MRPS15: variants seen among roughly 807,000 people sequenced by gnomAD.
MRPS15 encodes mitochondrial ribosomal protein S15.
Under a neutral mutation model 30.7 loss-of-function variants are expected in MRPS15, and 25 were observed. That is an observed-to-expected ratio of 0.81 (90% CI 0.59 to 1.14). The LOEUF (loss-of-function observed/expected upper bound fraction) is 1.14, where lower values mean the gene tolerates loss of function less well. Among genes scored for constraint, MRPS15 ranks in the 50% most tolerant of loss-of-function variants. The pLI, the probability that MRPS15 is intolerant of heterozygous loss-of-function variation, is 0.00. For synonymous variants in MRPS15, 124 were observed against 120.1 expected (o/e 1.03, Z -0.21); for missense variants, 313 against 321.7 (o/e 0.97, Z 0.21).
chr1:36,457,285 A>G (rs1650008901), intron 6 of MRPS15, among the ~76,000 whole-genome samples: 1 of 150,632 alleles, frequency 6.6e-6, no homozygotes. Flanking sequence ...CAAAAAAAAA[A>G]AAAAAATATA....
rs558887291 is a variant in MRPS15 at position 36,458,065 on chromosome 1, G to A, written c.386-84C>T. 2 of 1,156,586 alleles carry A rather than the reference G, an allele frequency of 1.7e-6. No homozygotes were observed. The highest frequency in any genetic ancestry group is 2.6e-6 in the Non-Finnish European group (2 of 762,764). The allele number at this position is 1,156,586 out of a possible 1,614,324, so 71.6% of individuals were successfully genotyped here. ...CTGGTTTACGTTTTAAGAACTCAAG[G>A]AATAACAATCACCAATGCTCTGTAC... On this transcript the variant is annotated intron_variant, in intron 5 of 7. Transcript: ENST00000373116. This position sits in a 1 kb window ranked among gnomAD's most constrained non-coding sequence, Gnocchi z 4.5.
In MRPS15 at chr1:36,457,940, A is replaced by T. The variant is rs750348540; in HGVS notation, c.427T>A (p.Leu143Met). Residue 143 changes from leucine (L) to methionine (M), a missense_variant, in exon 6 of 8, where the codon TTG becomes ATG. Physicochemically the swap from Leu to Met is conservative, Grantham distance 15. Transcript: ENST00000373116. ...GAGTTTACCTTTCGATGTTTCTCCA[A>T]GTGTTCTTCATAACTGCGGATCTTG... ...SVKIRSYEEH[L>M]EKHRKDKAHK... 6.2e-7 allele frequency: 1 copy of T among 1,614,188 alleles called. No individual in the cohort carries two copies. The highest frequency in any genetic ancestry group is 1.7e-5 in the Admixed American group (1 of 60,026).
At chr1:36,457,545 A>C (rs1407948447) in intron 6 of MRPS15, among the ~76,000 whole-genome samples, 1 of 152,196 alleles carries the variant, frequency 6.6e-6, no homozygotes, top group Non-Finnish European at 1.5e-5. Flanking sequence ...CCTGTGAGCA[A>C]GTATTTGTAT....
chr1:36,461,533 C>A (rs1007368085), intron 3 of MRPS15, among the ~76,000 whole-genome samples: 2 of 152,140 alleles, frequency 1.3e-5, no homozygotes, highest in African/African-American at 4.8e-5. Flanking sequence ...CTCGACTGTT[C>A]CGGTCTCATC....
rs1372289507 is a variant in MRPS15 at position 36,464,144 on chromosome 1, A to T, written c.130+2T>A. On this transcript the variant is annotated splice_donor_variant, in intron 1 of 7. Transcript: ENST00000373116. LOFTEE classifies it high-confidence loss of function. Reference sequence around the variant, plus strand: ...CCGCCGTCCCATTTCTCAGCTCCTCACTTCGAGGCTGCAGGCCCCACTGGT... The same window carrying T: ...CCGCCGTCCCATTTCTCAGCTCCTCTCTTCGAGGCTGCAGGCCCCACTGGT... 1 of 1,610,558 alleles carries T rather than the reference A, an allele frequency of 6.2e-7. No individual in the cohort carries two copies. Among genetic ancestry groups the T allele is most frequent in the Admixed American group, 1.7e-5 (1 of 59,348 alleles).
chr1:36,464,296 G>A lies in MRPS15; in HGVS notation c.-21C>T. 1 of 1,596,564 alleles carries A rather than the reference G, an allele frequency of 6.3e-7. No individual in the cohort carries two copies. The highest frequency in any genetic ancestry group is 1.1e-5 in the South Asian group (1 of 89,560). On this transcript the variant is annotated 5_prime_UTR_variant, in exon 1 of 8. Transcript: ENST00000373116. ...AGCATGGTGACCTCTAACCCCCGCG[G>A]GGCCCGCGCCGCGGCCGCCGTTCGC...
intron 3 of MRPS15, 71 bp downstream of exon 3, chr1:36,462,017 C>G: frequency 7.4e-7 from 1 of 1,349,092 alleles, no homozygotes; most frequent in Non-Finnish European, 1.1e-6. Context: ...CTCAAAGCCA[C>G]TGTCTTTCCC....
At position 36,460,829 on chromosome 1, in the gene MRPS15, C is replaced by G. The variant is rs145808919; in HGVS notation, c.301-53G>C. On this transcript the variant is annotated intron_variant, in intron 4 of 7. Transcript: ENST00000373116. Reference sequence around the variant, plus strand: ...TGTGGAGTCTGCCACCCTCTAAGAACTAGCCCTCCTCCCCCCAAGGGCCCT... The same window carrying G: ...TGTGGAGTCTGCCACCCTCTAAGAAGTAGCCCTCCTCCCCCCAAGGGCCCT... The G allele has an allele frequency of 5.6e-5, 82 of 1,466,300 alleles. 1 individual carries two copies. The African/African-American group carries it at 1.0e-3, about 18-fold the overall frequency. The allele number at this position is 1,466,300 out of a possible 1,614,324, so 90.8% of individuals were successfully genotyped here. A position where few individuals can be genotyped will look rare whatever the true frequency, so the allele number is the denominator to read the frequency against.
Position 36,464,314 on chromosome 1 carries a change from C to G in MRPS15, c.-39G>C, listed in dbSNP as rs1650169873. On this transcript the variant is annotated 5_prime_UTR_variant, in exon 1 of 8. Transcript: ENST00000373116. ...CCCCGCGGGGCCCGCGCCGCGGCCGCCGTTCGCTTTGCGGCACGGACCGGG... is the reference window on the plus strand; with the variant it reads ...CCCCGCGGGGCCCGCGCCGCGGCCGGCGTTCGCTTTGCGGCACGGACCGGG... 6.3e-7 allele frequency: 1 copy of G among 1,591,546 alleles called. No homozygotes were observed. The highest frequency in any genetic ancestry group is 1.8e-5 in the Admixed American group (1 of 55,704).
At chr1:36,462,939 T>G (rs2124084650) in intron 2 of MRPS15, among the ~76,000 whole-genome samples, 1 of 152,256 alleles carries the variant, frequency 6.6e-6, no homozygotes, top group Non-Finnish European at 1.5e-5. Context: ...CCCAAAATGT[T>G]GGGGCCATGT....
At chr1:36,461,691 T>G (rs1177234741) in intron 3 of MRPS15, among the ~76,000 whole-genome samples, 1 of 152,196 alleles carries the variant, frequency 6.6e-6, no homozygotes, top group Non-Finnish European at 1.5e-5. Flanking sequence ...CTGGCTTTGG[T>G]GTCAGTCAGC....
rs190851583 is a variant in MRPS15, at chr1:36,456,247, G to C, written c.576C>G (p.Pro192=). Residue 192 remains proline (P), a synonymous_variant, in exon 7 of 8, where the codon CCC becomes CCG. Transcript: ENST00000373116. ...GGTGGGCTCTTCGGTAATACAGAGG[G>C]GGGAAGGTGTACTCAATTCCCAGCC... The part of the protein sequence containing the change: ...CWGLGIEYTF[P]PLYYRRAHRR... The C allele has an allele frequency of 5.0e-5, 81 of 1,614,090 alleles. No individual in the cohort carries two copies. The East Asian group carries it at 1.7e-3, about 35-fold the overall frequency.
chr1:36,457,734 C>T (rs1167073157), intron 6 of MRPS15, among the ~76,000 whole-genome samples, 189 bp downstream of exon 6: 2 of 152,188 alleles, frequency 1.3e-5, no homozygotes, highest in African/African-American at 4.8e-5. Context: ...TGATCATGCT[C>T]TCAAGTTTGT....
intron 6 of MRPS15, among the ~76,000 whole-genome samples, chr1:36,457,285 A>AT (rs1175064507): frequency 6.6e-6 from 1 of 150,632 alleles, no homozygotes; most frequent in Non-Finnish European, 1.5e-5. Flanking sequence ...CAAAAAAAAA[A>AT]AAAAAATATA....
Position 36,456,011 on chromosome 1 carries a change from C to T in MRPS15, c.637-86G>A, listed in dbSNP as rs901495456. The stretch of plus-strand genomic sequence containing the variant: ...ACAAGTGGGATGGGAACTATTTCCC[C>T]CAGATGGTAACCCCAGCCTTTCTCC... On this transcript the variant is annotated intron_variant, in intron 7 of 7. Coordinates refer to ENST00000373116, the MANE Select transcript of MRPS15 (RefSeq NM_031280.4). 16 of 1,543,578 alleles carry T rather than the reference C, an allele frequency of 1.0e-5. No homozygotes were observed. The African/African-American group carries it at 2.1e-4, about 20-fold the overall frequency.
rs1328482562 is a variant in MRPS15 at position 36,457,877 on chromosome 1, C to T, written c.444+46G>A. The T allele has an allele frequency of 5.0e-6, 8 of 1,589,226 alleles. No homozygotes were observed. The South Asian group carries it at 7.7e-5, about 15-fold the overall frequency. On this transcript the variant is annotated intron_variant, in intron 6 of 7. Transcript: ENST00000373116. Reference sequence around the variant, plus strand: ...GAGCCCTTCCCCTCCGGACCCCTTTCCCCCAGGCTGCTGCTGTTTAACTGT... The same window carrying T: ...GAGCCCTTCCCCTCCGGACCCCTTTTCCCCAGGCTGCTGCTGTTTAACTGT...
chr1:36,463,992 GTC>G lies in MRPS15; in HGVS notation c.131-144_131-143del, dbSNP rs923244560. ...CTGCCCCATTTCTTCCCTACCCCTT[GTC>G]TCTCACATCTTGTTTCACCTCTTGC... On this transcript the variant is annotated intron_variant, in intron 1 of 7. Transcript: ENST00000373116. 1.7e-5 allele frequency: 25 copies of G among 1,498,898 alleles called. No homozygotes were observed. In the African/African-American group the frequency reaches 3.2e-4, roughly 19 times the overall value. 92.8% of individuals were successfully genotyped at this position (1,498,898 alleles called of 1,614,324 possible).
At chr1:36,460,347 C>T (rs1474269489) in intron 5 of MRPS15, among the ~76,000 whole-genome samples, 2 of 152,156 alleles carry the variant, frequency 1.3e-5, no homozygotes, top group East Asian at 3.8e-4. Flanking sequence ...CTTTAGTTTC[C>T]AAGGTGTGTT....
rs528867993 is a variant in MRPS15, at chr1:36,458,518, C to A, written c.386-537G>T. On this transcript the variant is annotated intron_variant, in intron 5 of 7. Transcript: ENST00000373116. The surrounding 1 kb of genome is among the most constrained non-coding windows in gnomAD (Gnocchi z 4.5). ...TGGTGGGGTTACAGGTGTGAGCCACCGTGCCTGGCCGCAAATAGCATTCTT... is the reference window on the plus strand; with the variant it reads ...TGGTGGGGTTACAGGTGTGAGCCACAGTGCCTGGCCGCAAATAGCATTCTT... 2.0e-5 allele frequency: 3 copies of A among 153,692 alleles called. No homozygotes were observed. The highest frequency in any genetic ancestry group is 4.4e-5 in the Non-Finnish European group (3 of 68,936). 9.5% of individuals were successfully genotyped at this position (153,692 alleles called of 1,614,324 possible). A position where few individuals can be genotyped will look rare whatever the true frequency, so the allele number is the denominator to read the frequency against.
Sources: allele counts gnomAD v4.1 joint callset (sites outside exome capture counted in the v4.1 genomes callset), GRCh38; gene constraint gnomAD v4.1.1; non-coding constraint Gnocchi (gnomAD v3.1); transcripts MANE v1.5; gene names NCBI Gene and HGNC (gene_info 2026-07-23, HGNC 2026-07-21).